The following PDS5A variants were observed in gnomAD, a reference collection of about 807,000 sequenced individuals.
PDS5A encodes the protein sister chromatid cohesion protein PDS5 homolog A.
PDS5A carries 42 observed loss-of-function variants against 167.1 expected under a neutral mutation model. That is an observed-to-expected ratio of 0.25 (90% CI 0.20 to 0.33). The LOEUF (loss-of-function observed/expected upper bound fraction) is 0.33, where lower values mean the gene tolerates loss of function less well. Ranked by LOEUF, PDS5A falls within the 10% of genes least tolerant of loss-of-function variation. The pLI is 1.00. For synonymous variants in PDS5A, 553 were observed against 554.6 expected (o/e 1.00, Z 0.04); for missense variants, 1,033 against 1,605.9 (o/e 0.64, Z 6.10).
At chr4:39,965,392 C>T (rs1396432462) in intron 2 of PDS5A, among the ~76,000 whole-genome samples, 3 of 152,130 alleles carry the variant, frequency 2.0e-5, no homozygotes, top group African/African-American at 7.2e-5. Flanking sequence ...ATGAGTGAGC[C>T]CAGTAGCCAT....
At chr4:39,834,859 T>G (rs1716250010) in intron 32 of PDS5A, among the ~76,000 whole-genome samples, 2 of 152,198 alleles carry the variant, frequency 1.3e-5, no homozygotes, top group South Asian at 4.1e-4. Flanking sequence ...TCCATCCCCA[T>G]TAAACACTAA....
chr4:39,899,236 TTC>T (rs1293752983), intron 14 of PDS5A, among the ~76,000 whole-genome samples: 2 of 152,058 alleles, frequency 1.3e-5, no homozygotes, highest in Non-Finnish European at 2.9e-5. Context: ...TGCAATAGAG[TTC>T]TGTTAGCTAC....
chr4:39,900,400 T>C (rs1722777620), intron 14 of PDS5A, 26 bp downstream of exon 14: 4 of 1,441,054 alleles, frequency 2.8e-6, no homozygotes, highest in Non-Finnish European at 3.8e-6. Flanking sequence ...TAATAAACTA[T>C]GAATTTAAAC....
At chr4:39,970,762 T>TATGGTTCC (rs1730438221) in intron 2 of PDS5A, among the ~76,000 whole-genome samples, 1 of 151,120 alleles carries the variant, frequency 6.6e-6, no homozygotes, top group African/African-American at 2.4e-5. Context: ...ATTCTAAGAT[T>TATGGTTCC]ATGGTTCCAC....
intron 22 of PDS5A, among the ~76,000 whole-genome samples, chr4:39,867,774 A>ACACACACC (rs369419469): frequency 5.5e-4 from 60 of 108,586 alleles, no homozygotes; most frequent in East Asian, 2.0e-3. Flanking sequence ...ACACACACAC[A>ACACACACC]CCCCACAACT....
intron 17 of PDS5A, among the ~76,000 whole-genome samples, chr4:39,885,518 C>T (rs1030112887): frequency 1.3e-5 from 2 of 151,842 alleles, no homozygotes; most frequent in African/African-American, 2.4e-5. Context: ...GGTCTGAGAT[C>T]GTTTGAGCCT....
Position 39,920,361 on chromosome 4 carries a change from T to A in PDS5A, c.693A>T (p.Leu231=). ...NKQSFDLAKV[L]LKRTVQTIEA... is the part of the protein sequence containing the mutation. ...CAATAGTCTGGACTGTTCTTTTCAA[T>A]AGCACTTTTGCAAGGTCAAAGGACT... Residue 231 remains leucine (L), a synonymous_variant, in exon 7 of 33, where the codon CTA becomes CTT. Coordinates refer to ENST00000303538, the MANE Select transcript of PDS5A (RefSeq NM_001100399.2). 6.4e-7 allele frequency: 1 copy of A among 1,557,498 alleles called. No homozygotes were observed. Among genetic ancestry groups the A allele is most frequent in the Non-Finnish European group, 8.8e-7 (1 of 1,132,078 alleles).
chr4:39,943,639 A>T (rs1727445561), intron 2 of PDS5A, among the ~76,000 whole-genome samples: 2 of 141,874 alleles, frequency 1.4e-5, no homozygotes, highest in South Asian at 2.3e-4. Flanking sequence ...AAAAAAAAAA[A>T]ATACAAAAAA....
At chr4:39,883,735 A>G (rs1721164188) in intron 17 of PDS5A, among the ~76,000 whole-genome samples, 1 of 152,066 alleles carries the variant, frequency 6.6e-6, no homozygotes, top group Non-Finnish European at 1.5e-5. Flanking sequence ...TCCTGGGCTC[A>G]TTCTTCCACC....
chr4:39,944,178 CA>C (rs60344531), intron 2 of PDS5A, among the ~76,000 whole-genome samples: 40,443 of 88,162 alleles, frequency 0.46, 5,509 homozygotes, highest in Middle Eastern at 0.57. Flanking sequence ...GACTCCGTCT[CA>C]AAAAAAAAAA....
chr4:39,879,093 T>C (rs575716599), intron 18 of PDS5A, among the ~76,000 whole-genome samples: 123 of 152,194 alleles, frequency 8.1e-4, no homozygotes, highest in Non-Finnish European at 1.6e-3. Context: ...ATTCTTTTTC[T>C]ATCTAACATC....
intron 8 of PDS5A, among the ~76,000 whole-genome samples, chr4:39,914,097 T>A (rs912950484): frequency 6.6e-6 from 1 of 151,774 alleles, no homozygotes; most frequent in African/African-American, 2.4e-5. Flanking sequence ...GCTTACTTTA[T>A]AGGAAATCTG....
intron 32 of PDS5A, chr4:39,836,967 C>A (rs1578574477): frequency 6.7e-6 from 1 of 149,816 alleles, no homozygotes; most frequent in African/African-American, 2.4e-5. Flanking sequence ...CACCACCACA[C>A]CTGGCTAACT....
chr4:39,840,666 A>G (rs1716914931), intron 31 of PDS5A, among the ~76,000 whole-genome samples: 1 of 151,912 alleles, frequency 6.6e-6, no homozygotes, highest in Admixed American at 6.6e-5. Flanking sequence ...AACGTGTTGG[A>G]ATTACAGGTG....
At chr4:39,956,211 C>T (rs1322759762) in intron 2 of PDS5A, among the ~76,000 whole-genome samples, 1 of 151,678 alleles carries the variant, frequency 6.6e-6, no homozygotes, top group African/African-American at 2.4e-5. Context: ...AAACATTTGG[C>T]AGGGTGCGAT....
At position 39,867,733 on chromosome 4, in the gene PDS5A, AACACACACAC is replaced by A. The variant is rs142147688; in HGVS notation, c.2506-746_2506-737del. Among the ~76,000 whole-genome samples, 494 of 130,682 alleles carry A rather than the reference AACACACACAC, an allele frequency of 3.8e-3. 3 individuals carry two copies. The highest frequency in any genetic ancestry group is 0.021 in the South Asian group (88 of 4,148). 85.7% of individuals were successfully genotyped at this position (130,682 alleles called of 152,430 possible). On this transcript the variant is annotated intron_variant, in intron 22 of 32. Transcript: ENST00000303538. ...AAACTCTGTTTCATAAAAAAACCAAAACACACACACACACACACACACACACACACACACA... is the reference window on the plus strand; with the variant it reads ...AAACTCTGTTTCATAAAAAAACCAAAACACACACACACACACACACACACA...
In PDS5A at chr4:39,842,008, C is replaced by T; in HGVS notation, c.3597G>A (p.Glu1199=). ...TGACTGAAATAATCCTCACAGGGTTCTCTTCATTTTCACTAACTCCAGTTT... is the reference window on the plus strand; with the variant it reads ...TGACTGAAATAATCCTCACAGGGTTTTCTTCATTTTCACTAACTCCAGTTT... ...AAETGVSENE[E]NPVRIISVTP... The change falls in exon 31 of 33, where the codon GAG becomes GAA. Residue 1199 remains glutamate, a synonymous_variant. Transcript: ENST00000303538. The T allele has an allele frequency of 6.2e-7, 1 of 1,610,592 alleles. No individual in the cohort carries two copies. Among genetic ancestry groups the T allele is most frequent in the Non-Finnish European group, 8.5e-7 (1 of 1,176,884 alleles).
At chr4:39,919,192 TA>T (rs984762479) in intron 7 of PDS5A, among the ~76,000 whole-genome samples, 4 of 151,828 alleles carry the variant, frequency 2.6e-5, no homozygotes, top group African/African-American at 9.7e-5. Context: ...CAACAATATA[TA>T]AATGTTAGAT....
intron 2 of PDS5A, chr4:39,973,755 G>A: frequency 5.4e-6 from 7 of 1,298,842 alleles, no homozygotes; most frequent in Non-Finnish European, 7.8e-6. Flanking sequence ...TACGAGCTGT[G>A]CCCAACCATG....
Sources: allele counts gnomAD v4.1 joint callset (sites outside exome capture counted in the v4.1 genomes callset), GRCh38; gene constraint gnomAD v4.1.1; transcripts MANE v1.5; gene names NCBI Gene and HGNC (gene_info 2026-07-23, HGNC 2026-07-21).